The following NAT9 variants were observed in gnomAD, a reference collection of about 807,000 sequenced individuals.
NAT9 encodes N-acetyltransferase 9.
In NAT9, 18 loss-of-function variants were observed where a neutral mutation model predicts 24.0. That is an observed-to-expected ratio of 0.75 (90% confidence interval 0.52 to 1.11). NAT9 has a LOEUF of 1.11. Among genes scored for constraint, NAT9 ranks in the 50% most tolerant of loss-of-function variants. The pLI is 0.00. For missense variants in NAT9, 254 were observed against 258.6 expected (o/e 0.98, Z 0.12); for synonymous variants, 104 against 102.3 (o/e 1.02, Z -0.10).
chr17:74,773,744 ACACCTT>A, intron 2 of NAT9, 56 bp from the exon 3 acceptor site: 2 of 1,427,198 alleles, frequency 1.4e-6, no homozygotes, highest in Non-Finnish European at 2.0e-6. Context: ...CATACGTCTG[ACACCTT>A]ATGAGGGTCC....
intron 5 of NAT9, 70 bp downstream of exon 5, chr17:74,772,148 A>G (rs1391773223): frequency 1.1e-5 from 17 of 1,613,144 alleles, no homozygotes; most frequent in African/African-American, 2.7e-5. Context: ...CCTGCCCCCA[A>G]CCCTCACACC....
chr17:74,773,228 C>A, intron 3 of NAT9, 189 bp from the exon 4 acceptor site: 1 of 685,746 alleles, frequency 1.5e-6, no homozygotes, highest in Non-Finnish European at 2.4e-6. Flanking sequence ...AAAGCCTCTC[C>A]AACCAGCAAC....
chr17:74,775,918 G>T (rs992065292), intron 1 of NAT9: 1 of 466,188 alleles, frequency 2.1e-6, no homozygotes. Context: ...ACTCCAAGAG[G>T]CCAAGCCTGG....
chr17:74,772,047 G>T lies in NAT9; in HGVS notation c.402C>A (p.Thr134=). ...AVLAMLSYGV[T]TLGLTKFEAK... is the part of the protein sequence containing the mutation. The stretch of plus-strand genomic sequence containing the variant: ...CCTCAAACTTGGTCAGACCTAGCGT[G>T]GTCACTCCTCGCAGAGGAGATGAGA... Residue 134 remains threonine, a synonymous_variant, in exon 6 of 7, where the codon ACC becomes ACA. Transcript: ENST00000357814. 1 of 1,614,176 alleles carries T rather than the reference G, an allele frequency of 6.2e-7. No homozygotes were observed. The highest frequency in any genetic ancestry group is 8.5e-7 in the Non-Finnish European group (1 of 1,180,032).
At position 74,773,561 on chromosome 17, in the gene NAT9, G is replaced by T. The variant is rs758811918; in HGVS notation, c.190+15C>A. On this transcript the variant is annotated intron_variant, in intron 3 of 6. Transcript: ENST00000357814. Reference sequence around the variant, plus strand: ...CCAGTACCAGGGCTAGGGGAAGTGGGGGGGCACTCCTCACTGTCTGCATCT... The same window carrying T: ...CCAGTACCAGGGCTAGGGGAAGTGGTGGGGCACTCCTCACTGTCTGCATCT... 6.2e-7 allele frequency: 1 copy of T among 1,607,466 alleles called. No homozygotes were observed. Among genetic ancestry groups the T allele is most frequent in the East Asian group, 2.2e-5 (1 of 44,844 alleles).
chr17:74,775,918 G>A (rs992065292), intron 1 of NAT9: 4 of 466,306 alleles, frequency 8.6e-6, no homozygotes, highest in Middle Eastern at 5.6e-4. Context: ...ACTCCAAGAG[G>A]CCAAGCCTGG....
chr17:74,772,491 G>A, intron 4 of NAT9: 1 of 1,429,954 alleles, frequency 7.0e-7, no homozygotes, highest in Non-Finnish European at 9.1e-7. Context: ...ACCTCATGGA[G>A]TCAGTATGCT....
intron 2 of NAT9, among the ~76,000 whole-genome samples, chr17:74,775,104 C>T (rs987166295): frequency 6.6e-6 from 1 of 152,112 alleles, no homozygotes; most frequent in African/African-American, 2.4e-5. Flanking sequence ...ATCCACCCGC[C>T]TCAGCCTCCC....
intron 4 of NAT9, 73 bp from the exon 5 acceptor site, chr17:74,772,350 T>G: frequency 6.4e-7 from 1 of 1,569,464 alleles, no homozygotes; most frequent in Non-Finnish European, 8.6e-7. Context: ...AGACACCATC[T>G]CATTTAATTC....
chr17:74,772,450 C>T, intron 4 of NAT9, 173 bp from the exon 5 acceptor site: 1 of 1,425,884 alleles, frequency 7.0e-7, no homozygotes, highest in Non-Finnish European at 9.2e-7. Context: ...AGCTTGCAAC[C>T]CAGCAACCTG....
At chr17:74,772,368 C>T (rs2035343359) in intron 4 of NAT9, 91 bp from the exon 5 acceptor site, 1 of 1,528,944 alleles carries the variant, frequency 6.5e-7, no homozygotes, top group Non-Finnish European at 8.8e-7. Context: ...TTCTCAACAA[C>T]TCTGAAGTTG....
intron 4 of NAT9, 133 bp from the exon 5 acceptor site, chr17:74,772,410 A>G (rs1226044114): frequency 6.9e-7 from 1 of 1,439,584 alleles, no homozygotes; most frequent in South Asian, 1.3e-5. Flanking sequence ...AGACGAGGAA[A>G]CAGGCACAAA....
chr17:74,771,656 T>A lies in NAT9; in HGVS notation c.*68A>T. ...CAGGAGCACTCTCCCAGTGCAGGGC[T>A]CTGGTCTTTGAAGTGTATGGGCCCA... On this transcript the variant is annotated 3_prime_UTR_variant, in exon 7 of 7. Coordinates refer to ENST00000357814, the MANE Select transcript of NAT9 (RefSeq NM_015654.5). 6.3e-7 allele frequency: 1 copy of A among 1,595,784 alleles called. No homozygotes were observed. Among genetic ancestry groups the A allele is most frequent in the Non-Finnish European group, 8.5e-7 (1 of 1,170,592 alleles).
intron 1 of NAT9, 54 bp from the exon 2 acceptor site, chr17:74,775,761 T>C: frequency 6.7e-7 from 1 of 1,500,940 alleles, no homozygotes; most frequent in South Asian, 1.1e-5. Context: ...TCCTCCAACT[T>C]TGGGTAGGCG....
intron 2 of NAT9, among the ~76,000 whole-genome samples, chr17:74,774,612 G>A (rs4789095): frequency 0.36 from 53,575 of 147,048 alleles, 10,631 homozygotes; most frequent in Non-Finnish European, 0.45. Flanking sequence ...GTGCAGTGGC[G>A]CGATCTCGGC....
Position 74,772,925 on chromosome 17 carries a change from G to A in NAT9, c.305C>T (p.Thr102Ile), listed in dbSNP as rs1468029926. Reference sequence around the variant, plus strand: ...AATCATGACCTCGATCTCCCCCAAGGTGAGGTCTTCTAGATCTGTGAGGAA... The same window carrying A: ...AATCATGACCTCGATCTCCCCCAAGATGAGGTCTTCTAGATCTGTGAGGAA... ...NLFLTDLEDLTLGEIEVMIAE... is the reference protein window; with the variant it reads ...NLFLTDLEDLILGEIEVMIAE... The change falls in exon 4 of 7, where the codon ACC (threonine) becomes ATC (isoleucine). Residue 102 changes from threonine (T) to isoleucine (I), a missense_variant. By Grantham distance (89) the Thr-to-Ile change is moderately conservative. Coordinates refer to ENST00000357814, the MANE Select transcript of NAT9 (RefSeq NM_015654.5). 1 of 1,614,080 alleles carries A rather than the reference G, an allele frequency of 6.2e-7. No homozygotes were observed. The highest frequency in any genetic ancestry group is 1.3e-5 in the African/African-American group (1 of 74,930).
At chr17:74,776,075 C>G (rs2036024055) in intron 1 of NAT9, 192 bp downstream of exon 1, 1 of 183,652 alleles carries the variant, frequency 5.4e-6, no homozygotes, top group East Asian at 1.4e-4. Context: ...ACTTTCAGCC[C>G]TGCCTTAAAC....
At chr17:74,772,826 G>A in intron 4 of NAT9, 70 bp downstream of exon 4, 1 of 1,597,294 alleles carries the variant, frequency 6.3e-7, no homozygotes, top group Non-Finnish European at 8.6e-7. Flanking sequence ...ACCCTTTGCA[G>A]CCTCGGCAGG....
chr17:74,773,238 C>T lies in NAT9; in HGVS notation c.191-199G>A, dbSNP rs921338876. ...CAGAAAAAGCCTCTCCAACCAGCAA[C>T]CAAATTCTCAGAGAGCAGGGAACAC... On this transcript the variant is annotated intron_variant, in intron 3 of 6. Coordinates refer to ENST00000357814, the MANE Select transcript of NAT9 (RefSeq NM_015654.5). The T allele has an allele frequency of 3.9e-5, 26 of 666,622 alleles. No individual in the cohort carries two copies. The Middle Eastern group carries it at 2.9e-3, about 74-fold the overall frequency. 41.3% of individuals were successfully genotyped at this position (666,622 alleles called of 1,614,324 possible).
Sources: allele counts gnomAD v4.1 joint callset (sites outside exome capture counted in the v4.1 genomes callset), GRCh38; gene constraint gnomAD v4.1.1; transcripts MANE v1.5; gene names NCBI Gene and HGNC (gene_info 2026-07-23, HGNC 2026-07-21).